The following THSD7A variants were observed in gnomAD, a reference collection of about 807,000 sequenced individuals.
THSD7A encodes the protein thrombospondin type 1 domain containing 7A.
THSD7A carries 96 observed loss-of-function variants against 231.3 expected under a neutral mutation model. That is an observed-to-expected ratio of 0.41 (90% CI 0.35 to 0.49). The LOEUF is 0.49. Among genes scored for constraint, THSD7A ranks in the 20% least tolerant of loss-of-function variants. THSD7A has a pLI of 0.05. For missense variants in THSD7A, 2,290 were observed against 2,070.2 expected, an observed-to-expected ratio of 1.11 and a Z score of -2.06; for synonymous variants, 940 against 743.3, an observed-to-expected ratio of 1.26 and a Z score of -4.30.
chr7:11,572,600 C>T (rs1790688474), intron 4 of THSD7A, among the ~76,000 whole-genome samples: 1 of 152,076 alleles, frequency 6.6e-6, no homozygotes, highest in African/African-American at 2.4e-5. Context: ...CCTCAACCTC[C>T]TAGGCTCAGT....
At chr7:11,438,634 C>T (rs1198586594) in intron 13 of THSD7A, among the ~76,000 whole-genome samples, 1 of 151,906 alleles carries the variant, frequency 6.6e-6, no homozygotes, top group Non-Finnish European at 1.5e-5. Context: ...ATTAGACAAA[C>T]TATTCTGAAC....
At chr7:11,592,130 A>G (rs1275836277) in intron 3 of THSD7A, among the ~76,000 whole-genome samples, 2 of 152,212 alleles carry the variant, frequency 1.3e-5, no homozygotes, top group African/African-American at 4.8e-5. Context: ...GGGAGGAACC[A>G]GAACAATCAG....
chr7:11,653,456 GT>G (rs1201202178), intron 1 of THSD7A, among the ~76,000 whole-genome samples: 15 of 103,260 alleles, frequency 1.5e-4, no homozygotes, highest in African/African-American at 5.9e-4. Flanking sequence ...ATATGTGTGT[GT>G]GTGTGTGTGT....
chr7:11,769,132 TATATATATATATA>T (rs1783129228), intron 1 of THSD7A, among the ~76,000 whole-genome samples: 1 of 41,990 alleles, frequency 2.4e-5, no homozygotes, highest in Non-Finnish European at 5.4e-5. Flanking sequence ...AATATATATA[TATATATATATATA>T]TATATATATT....
At chr7:11,460,531 G>A in intron 11 of THSD7A, 131 bp downstream of exon 11, 2 of 573,560 alleles carry the variant, frequency 3.5e-6, no homozygotes, top group Non-Finnish European at 5.9e-6. Flanking sequence ...GATGTTTTGT[G>A]GAATGGCTCA....
intron 4 of THSD7A, among the ~76,000 whole-genome samples, chr7:11,577,152 G>A (rs1486927322): frequency 6.6e-6 from 1 of 152,126 alleles, no homozygotes; most frequent in East Asian, 1.9e-4. Flanking sequence ...TTTGTAGAAG[G>A]CTTTGATAAA....
intron 1 of THSD7A, among the ~76,000 whole-genome samples, chr7:11,705,636 G>C (rs1036572978): frequency 6.6e-6 from 1 of 150,956 alleles, no homozygotes; most frequent in African/African-American, 2.4e-5. Flanking sequence ...CAGTTTTTAG[G>C]TGTTACAATA....
chr7:11,810,218 G>C (rs1784495252), intron 1 of THSD7A, among the ~76,000 whole-genome samples: 1 of 152,166 alleles, frequency 6.6e-6, no homozygotes, highest in South Asian at 2.1e-4. Flanking sequence ...TTCATGGGTA[G>C]AGAGCGAGCT....
At chr7:11,511,297 T>C (rs1232408000) in intron 6 of THSD7A, among the ~76,000 whole-genome samples, 4 of 152,138 alleles carry the variant, frequency 2.6e-5, no homozygotes, top group African/African-American at 7.2e-5. Flanking sequence ...CACAAACAAA[T>C]GGAAGAACAT....
intron 4 of THSD7A, among the ~76,000 whole-genome samples, chr7:11,572,636 T>C (rs975689406): frequency 2.0e-5 from 3 of 152,030 alleles, no homozygotes; most frequent in Non-Finnish European, 4.4e-5. Context: ...GCCTCCTGAA[T>C]ACCTGGGACT....
rs896390178 is a variant in THSD7A at position 11,424,188 on chromosome 7, AT to A, written c.3383+507del. 1.9e-3 allele frequency among the ~76,000 whole-genome samples: 289 copies of A among 152,050 alleles called. 4 individuals carry two copies. Among genetic ancestry groups the A allele is most frequent in the African/African-American group, 6.4e-3 (265 of 41,436 alleles). On this transcript the variant is annotated intron_variant, in intron 16 of 27. Coordinates refer to ENST00000423059, the MANE Select transcript of THSD7A (RefSeq NM_015204.3). Reference sequence around the variant, plus strand: ...GCATTTTTAATTTAATTTAAACTTAATTTTTTTTAATTTAAATTGAGTTAGT... The same window carrying A: ...GCATTTTTAATTTAATTTAAACTTAATTTTTTTAATTTAAATTGAGTTAGT...
chr7:11,568,993 A>AAAAAAAAC (rs1451635194), intron 4 of THSD7A, among the ~76,000 whole-genome samples: 1 of 151,224 alleles, frequency 6.6e-6, no homozygotes, highest in African/African-American at 2.4e-5. Flanking sequence ...CTACAAAAAA[A>AAAAAAAAC]AAAACAAACC....
In THSD7A at chr7:11,636,179, T is replaced by G. The variant is rs757441042; in HGVS notation, c.973A>C (p.Thr325Pro). 9 of 1,613,972 alleles carry G rather than the reference T, an allele frequency of 5.6e-6. No individual in the cohort carries two copies. The highest frequency in any genetic ancestry group is 6.8e-6 in the Non-Finnish European group (8 of 1,179,874). ...KYWDIQIGYQTREVMCINKTG... is the reference protein window; with the variant it reads ...KYWDIQIGYQPREVMCINKTG... ...TTGTTAATGCACATAACCTCTCTGG[T>G]CTGATATCCAATCTGGATGTCCCAA... Residue 325 changes from threonine to proline, a missense_variant, in exon 2 of 28, where the codon ACC becomes CCC. Thr to Pro is a conservative substitution (Grantham distance 38). Coordinates refer to ENST00000423059, the MANE Select transcript of THSD7A (RefSeq NM_015204.3). The surrounding 1 kb of genome is among the most constrained non-coding windows in gnomAD (Gnocchi z 10.0).
At position 11,418,145 on chromosome 7, in the gene THSD7A, T is replaced by A. The variant is rs1454560048; in HGVS notation, c.3384-542A>T. 3.3e-5 allele frequency among the ~76,000 whole-genome samples: 5 copies of A among 152,218 alleles called. No homozygotes were observed. The East Asian group carries it at 9.6e-4, about 29-fold the overall frequency. ...TTTTGAAAACAACTAGAGGCATTTATCGATTCATTTTGTCATTTTAAAAGT... is the reference window on the plus strand; with the variant it reads ...TTTTGAAAACAACTAGAGGCATTTAACGATTCATTTTGTCATTTTAAAAGT... On this transcript the variant is annotated intron_variant, in intron 16 of 27. Transcript: ENST00000423059.
intron 6 of THSD7A, among the ~76,000 whole-genome samples, chr7:11,497,432 T>G (rs749662959): frequency 6.6e-6 from 1 of 152,166 alleles, no homozygotes; most frequent in Non-Finnish European, 1.5e-5. Flanking sequence ...TTGATAAAAA[T>G]GTACCTCATT....
intron 11 of THSD7A, among the ~76,000 whole-genome samples, chr7:11,455,096 G>C (rs974537768): frequency 4.6e-5 from 7 of 151,006 alleles, no homozygotes; most frequent in Non-Finnish European, 7.4e-5. Flanking sequence ...TTCTCTCTCT[G>C]TCTCTCTCTC....
rs1398850916 is a variant in THSD7A, at chr7:11,379,390, T to C, written c.4591-110A>G. ...ACAAGGTTTGTTTTGGGAATTACTA[T>C]ACATAATTCCTCTATTATTTTTAAC... is the stretch of plus-strand genomic sequence containing the variant. On this transcript the variant is annotated intron_variant, in intron 25 of 27. Coordinates refer to ENST00000423059, the MANE Select transcript of THSD7A (RefSeq NM_015204.3). The C allele has an allele frequency of 1.1e-5, 12 of 1,046,336 alleles. No homozygotes were observed. The East Asian group carries it at 2.2e-4, about 19-fold the overall frequency. 64.8% of individuals were successfully genotyped at this position (1,046,336 alleles called of 1,614,324 possible). A position where few individuals can be genotyped will look rare whatever the true frequency, so the allele number is the denominator to read the frequency against.
rs570811544 is a variant in THSD7A at position 11,509,557 on chromosome 7, G to A, written c.1823-27575C>T. 2.0e-3 allele frequency among the ~76,000 whole-genome samples: 305 copies of A among 152,080 alleles called. 2 individuals are homozygous for A. Among genetic ancestry groups the A allele is most frequent in the African/African-American group, 6.7e-3 (277 of 41,490 alleles). Reference sequence around the variant, plus strand: ...TTTTAAAATTAAAAGATAAGGCCGGGCGCGGTGGCTCATGTCTGTAATCCC... The same window carrying A: ...TTTTAAAATTAAAAGATAAGGCCGGACGCGGTGGCTCATGTCTGTAATCCC... On this transcript the variant is annotated intron_variant, in intron 6 of 27. Transcript: ENST00000423059.
At chr7:11,765,248 A>G (rs1174861518) in intron 1 of THSD7A, among the ~76,000 whole-genome samples, 2 of 152,228 alleles carry the variant, frequency 1.3e-5, no homozygotes, top group Non-Finnish European at 2.9e-5. Context: ...GCTGTTGCTC[A>G]TACATACATG....
Sources: allele counts gnomAD v4.1 joint callset (sites outside exome capture counted in the v4.1 genomes callset), GRCh38; gene constraint gnomAD v4.1.1; non-coding constraint Gnocchi (gnomAD v3.1); transcripts MANE v1.5; gene names NCBI Gene and HGNC (gene_info 2026-07-23, HGNC 2026-07-21).